Variants in ZNF208 observed in about 807,000 individuals in gnomAD.
ZNF208 encodes zinc finger protein 208.
In ZNF208, 10 loss-of-function variants were observed where a neutral mutation model predicts 12.1. The observed-to-expected ratio is 0.83, with a 90% CI of 0.51 to 1.40. ZNF208 has a LOEUF of 1.40. Among genes scored for constraint, ZNF208 ranks in the 40% most tolerant of loss-of-function variants. The pLI is 0.00. For missense variants in ZNF208, 1,652 were observed against 1,485.0 expected, an observed-to-expected ratio of 1.11 and a Z score of -1.85; for synonymous variants, 497 against 488.4, an observed-to-expected ratio of 1.02 and a Z score of -0.23.
In ZNF208 at chr19:21,974,241, C is replaced by T. The variant is rs555319156; in HGVS notation, c.793G>A (p.Ala265Thr). 1 of 1,612,020 alleles carries T rather than the reference C, an allele frequency of 6.2e-7. No homozygotes were observed. Among genetic ancestry groups the T allele is most frequent in the African/African-American group, 1.3e-5 (1 of 74,806 alleles). Residue 265 changes from alanine (A) to threonine (T), a missense_variant, in exon 4 of 4, where the codon GCT (alanine) becomes ACT (threonine). This residue lies in a region of ZNF208 where 410 missense variants were observed against 378.2 expected (regional missense o/e 1.08). Transcript: ENST00000397126. ...GTAAGGATTGCAGATTGGTTAAAAG[C>T]CTTGCCACATTCTTCACATTTGTAG... The part of the protein sequence containing the change: ...KSYKCEECGK[A>T]FNQSAILTKH...
chr19:21,956,545 C>A (rs2145522442), intron 4 of ZNF208, among the ~76,000 whole-genome samples: 1 of 152,262 alleles, frequency 6.6e-6, no homozygotes, highest in South Asian at 2.1e-4. Context: ...TGGCAGAAGC[C>A]CCTCCCCTAG....
At chr19:21,959,247 A>G (rs1172450081) in intron 4 of ZNF208, among the ~76,000 whole-genome samples, 2 of 152,174 alleles carry the variant, frequency 1.3e-5, no homozygotes, top group African/African-American at 2.4e-5. Flanking sequence ...GCAACATAAT[A>G]CTTCACAAAA....
rs1970269183 is a variant in ZNF208 at position 21,971,026 on chromosome 19, G to A, written c.*165C>T. ...CTTTACCACATTCTTCACATTTGTAGGGTGTCTCTCCAGTATGAATTCTCT... is the reference window on the plus strand; with the variant it reads ...CTTTACCACATTCTTCACATTTGTAAGGTGTCTCTCCAGTATGAATTCTCT... On this transcript the variant is annotated 3_prime_UTR_variant, in exon 4 of 4. Transcript: ENST00000397126. Among the ~76,000 whole-genome samples the A allele has an allele frequency of 6.6e-6, 1 of 151,788 alleles. No individual in the cohort carries two copies. The highest frequency in any genetic ancestry group is 2.4e-5 in the African/African-American group (1 of 41,310).
chr19:21,969,408 T>C lies in ZNF208; in HGVS notation c.*1783A>G, dbSNP rs1970236586. Among the ~76,000 whole-genome samples the C allele has an allele frequency of 6.6e-6, 1 of 152,208 alleles. No homozygotes were observed. Among genetic ancestry groups the C allele is most frequent in the Non-Finnish European group, 1.5e-5 (1 of 68,042 alleles). On this transcript the variant is annotated 3_prime_UTR_variant, in exon 4 of 4. Coordinates refer to ENST00000397126, the MANE Select transcript of ZNF208 (RefSeq NM_007153.3). The stretch of plus-strand genomic sequence containing the variant: ...TTGCCAACTTTAGTTTTGGATTTTT[T>C]CCTATACTCAGCAGTCTGATTTAGT...
chr19:21,972,284 T>C lies in ZNF208; in HGVS notation c.2750A>G (p.Tyr917Cys), dbSNP rs1385353690. 1.9e-6 allele frequency: 3 copies of C among 1,613,828 alleles called. No homozygotes were observed. Among genetic ancestry groups the C allele is most frequent in the East Asian group, 2.2e-5 (1 of 44,860 alleles). Reference sequence around the variant, plus strand: ...GGCTTTGCCACATTCTTCACATTTGTAGGGTTTCTCTCCAGTATGAATTAC... The same window carrying C: ...GGCTTTGCCACATTCTTCACATTTGCAGGGTTTCTCTCCAGTATGAATTAC... Reference protein sequence around the residue: ...HEVIHTGEKPYKCEECGKAFS... With the variant: ...HEVIHTGEKPCKCEECGKAFS... Residue 917 changes from tyrosine (Y) to cysteine (C), a missense_variant, in exon 4 of 4, where the codon TAC becomes TGC. By Grantham distance (194) the Tyr-to-Cys change is radical. This residue lies in a region of ZNF208 where 1,239 missense variants were observed against 1,086.2 expected (regional missense o/e 1.14). Coordinates refer to ENST00000397126, the MANE Select transcript of ZNF208 (RefSeq NM_007153.3).
chr19:21,978,694 C>G (rs1970479173), intron 3 of ZNF208, among the ~76,000 whole-genome samples: 2 of 152,056 alleles, frequency 1.3e-5, no homozygotes, highest in Admixed American at 6.6e-5. Flanking sequence ...TCATTGCCAG[C>G]AAAGAAAGAA....
chr19:21,999,510 C>T (rs911329683), intron 1 of ZNF208, among the ~76,000 whole-genome samples: 4 of 152,140 alleles, frequency 2.6e-5, no homozygotes, highest in Non-Finnish European at 4.4e-5. Context: ...AATAATCACC[C>T]TGGATAATCA....
chr19:21,951,582 A>G (rs1276456630), intron 4 of ZNF208, among the ~76,000 whole-genome samples: 1 of 152,250 alleles, frequency 6.6e-6, no homozygotes, highest in Admixed American at 6.5e-5. Flanking sequence ...AAAATTAAGC[A>G]TTTAATGAAA....
intron 1 of ZNF208, among the ~76,000 whole-genome samples, chr19:22,005,230 CA>C (rs546455046): frequency 1.3e-5 from 2 of 152,146 alleles, no homozygotes; most frequent in Non-Finnish European, 2.9e-5. Context: ...GGAGTGTGGA[CA>C]CATCAATGTC....
intron 4 of ZNF208, among the ~76,000 whole-genome samples, chr19:21,947,303 A>T (rs1969829541): frequency 6.6e-6 from 1 of 152,176 alleles, no homozygotes; most frequent in South Asian, 2.1e-4. Context: ...AAAGCTCAGC[A>T]CTATCCAATG....
rs370109509 is a variant in ZNF208 at position 21,969,996 on chromosome 19, G to GTT, written c.*1193_*1194dup. Among the ~76,000 whole-genome samples the GTT allele has an allele frequency of 5.7e-3, 864 of 152,182 alleles. 1 individual carries two copies. Among genetic ancestry groups the GTT allele is most frequent in the African/African-American group, 0.019 (806 of 41,532 alleles). On this transcript the variant is annotated 3_prime_UTR_variant, in exon 4 of 4. Transcript: ENST00000397126. ...AATAAGGCATGAGCACTGGTTAAAT[G>GTT]TTTGTCACATTGTTTATTACAGTAG...
chr19:21,981,577 G>A (rs568819576), intron 3 of ZNF208, among the ~76,000 whole-genome samples: 2 of 152,216 alleles, frequency 1.3e-5, no homozygotes, highest in Admixed American at 1.3e-4. Context: ...TAAGAGCTAT[G>A]TATGACAAAC....
downstream of ZNF208, among the ~76,000 whole-genome samples, chr19:21,962,057 T>C (rs187585073): frequency 6.6e-6 from 1 of 152,164 alleles, no homozygotes; most frequent in African/African-American, 2.4e-5. Context: ...GTCCATGAAA[T>C]CTTCACAATT....
chr19:21,983,820 G>A (rs1439685341), intron 3 of ZNF208, among the ~76,000 whole-genome samples: 26 of 152,046 alleles, frequency 1.7e-4, no homozygotes, highest in Admixed American at 6.6e-5. Context: ...AGGGACACAG[G>A]AAGGGGAACA....
chr19:21,965,498 T>A (rs550906220), downstream of ZNF208, among the ~76,000 whole-genome samples: 1 of 152,086 alleles, frequency 6.6e-6, no homozygotes, highest in Non-Finnish European at 1.5e-5. Context: ...TGGCATCTTT[T>A]GTTCAACTAC....
chr19:21,951,433 A>T (rs544454936), intron 4 of ZNF208, among the ~76,000 whole-genome samples: 3 of 152,334 alleles, frequency 2.0e-5, no homozygotes, highest in South Asian at 4.1e-4. Flanking sequence ...CATTTTTCCT[A>T]GGAGTAAAAG....
intron 1 of ZNF208, among the ~76,000 whole-genome samples, chr19:21,990,121 C>A (rs954783655): frequency 4.9e-4 from 74 of 152,062 alleles, no homozygotes; most frequent in Non-Finnish European, 9.7e-4. Flanking sequence ...GCTTTTGTTG[C>A]CATTGCTATT....
chr19:21,983,878 A>G (rs1478060279), intron 3 of ZNF208, among the ~76,000 whole-genome samples: 2 of 152,144 alleles, frequency 1.3e-5, no homozygotes, highest in Admixed American at 1.3e-4. Flanking sequence ...GAGGGATAAC[A>G]TTAGGAGAAA....
At chr19:21,990,595 T>A (rs1361195012) in intron 1 of ZNF208, among the ~76,000 whole-genome samples, 1 of 152,202 alleles carries the variant, frequency 6.6e-6, no homozygotes, top group Non-Finnish European at 1.5e-5. Flanking sequence ...TGGTTCCATA[T>A]GAATTTTAAA....
Sources: gnomAD v4.1 joint callset for allele counts (sites outside exome capture counted in the v4.1 genomes callset) on GRCh38, gnomAD v4.1.1 for gene constraint, gnomAD v4.1.1 regional missense constraint, MANE v1.5 for transcripts, NCBI Gene and HGNC (gene_info 2026-07-23, HGNC 2026-07-21) for gene names.